The following ZFHX3 variants were observed in gnomAD, a reference collection of about 807,000 sequenced individuals.
ZFHX3 encodes the protein zinc finger homeobox 3.
Under a neutral mutation model 279.1 loss-of-function variants are expected in ZFHX3, and 42 were observed. The observed-to-expected ratio is 0.15, with a 90% CI of 0.12 to 0.19. The LOEUF (loss-of-function observed/expected upper bound fraction) is 0.19, where lower values mean the gene tolerates loss of function less well. Among genes scored for constraint, ZFHX3 ranks in the 10% least tolerant of loss-of-function variants. The pLI, the probability that ZFHX3 is intolerant of heterozygous loss-of-function variation, is 1.00. For missense variants in ZFHX3, 4,981 were observed against 4,754.0 expected (o/e 1.05, Z -1.40); for synonymous variants, 2,293 against 1,957.8 (o/e 1.17, Z -4.52).
intron 1 of ZFHX3, among the ~76,000 whole-genome samples, chr16:73,774,335 G>C (rs535724700): frequency 6.6e-6 from 1 of 152,152 alleles, no homozygotes; most frequent in Non-Finnish European, 1.5e-5. Context: ...ATGAATGAAG[G>C]CTGAGAGAAA....
At chr16:73,020,486 G>C (rs1258701635) in intron 1 of ZFHX3, among the ~76,000 whole-genome samples, 1 of 152,124 alleles carries the variant, frequency 6.6e-6, no homozygotes, top group Non-Finnish European at 1.5e-5. Context: ...TCACCATATG[G>C]GACAGCTTCT....
At chr16:73,372,651 T>A (rs2016651922) in intron 3 of ZFHX3, among the ~76,000 whole-genome samples, 1 of 152,214 alleles carries the variant, frequency 6.6e-6, no homozygotes, top group Non-Finnish European at 1.5e-5. Flanking sequence ...CAGCGATGAT[T>A]TTCTCTGGCT....
intron 2 of ZFHX3, among the ~76,000 whole-genome samples, chr16:73,601,928 G>C (rs2052122605): frequency 6.6e-6 from 1 of 152,218 alleles, no homozygotes; most frequent in African/African-American, 2.4e-5. Context: ...CTTCAGGAGA[G>C]AGGAAGGGGA....
At chr16:73,004,158 A>ATTTTTTTTTTTTT (rs1567627941) in intron 1 of ZFHX3, among the ~76,000 whole-genome samples, 1 of 51,312 alleles carries the variant, frequency 1.9e-5, no homozygotes. Context: ...TAAAAACACG[A>ATTTTTTTTTTTTT]CTTTTTTTTT....
intron 2 of ZFHX3, among the ~76,000 whole-genome samples, chr16:73,523,643 G>A (rs1353414500): frequency 1.4e-5 from 2 of 145,838 alleles, no homozygotes; most frequent in East Asian, 4.0e-4. Context: ...TTTTTCATAT[G>A]TATATTCTGA....
chr16:73,786,953 G>C (rs749050271), intron 1 of ZFHX3, among the ~76,000 whole-genome samples: 2 of 152,116 alleles, frequency 1.3e-5, no homozygotes, highest in Non-Finnish European at 2.9e-5. Flanking sequence ...TCTTTTTCAG[G>C]CATGTGGTTT....
intron 5 of ZFHX3, among the ~76,000 whole-genome samples, chr16:73,211,991 G>A (rs1216547912): frequency 1.3e-5 from 2 of 152,074 alleles, no homozygotes; most frequent in Non-Finnish European, 2.9e-5. Context: ...ACAACGAGAG[G>A]TTGAAAGTCA....
At chr16:72,941,094 A>C (rs528637036) in intron 3 of ZFHX3, among the ~76,000 whole-genome samples, 2 of 152,240 alleles carry the variant, frequency 1.3e-5, no homozygotes, top group Non-Finnish European at 2.9e-5. Context: ...ACATCTGGCC[A>C]AGTTGCTGGT....
intron 1 of ZFHX3, among the ~76,000 whole-genome samples, chr16:72,962,996 T>G (rs1961655937): frequency 6.6e-6 from 1 of 152,158 alleles, no homozygotes; most frequent in African/African-American, 2.4e-5. Flanking sequence ...TCGCTCTGTT[T>G]ATCAGCCAGT....
At chr16:73,565,679 T>C (rs2020440821) in intron 2 of ZFHX3, among the ~76,000 whole-genome samples, 1 of 152,206 alleles carries the variant, frequency 6.6e-6, no homozygotes, top group South Asian at 2.1e-4. Context: ...CAGCCCAATC[T>C]GGATCTCCCT....
chr16:73,549,813 CTTCT>C (rs1165149532), intron 2 of ZFHX3, among the ~76,000 whole-genome samples: 1 of 151,420 alleles, frequency 6.6e-6, no homozygotes, highest in South Asian at 2.1e-4. Context: ...TCTTTTTCTT[CTTCT>C]TTCTTTCTTT....
chr16:73,518,958 TG>T (rs780481051), intron 2 of ZFHX3, among the ~76,000 whole-genome samples: 2 of 152,202 alleles, frequency 1.3e-5, no homozygotes, highest in South Asian at 2.1e-4. Context: ...AAGGAGATTT[TG>T]CAAAGTCCAG....
At chr16:73,333,857 T>C (rs1873363266) in intron 3 of ZFHX3, among the ~76,000 whole-genome samples, 1 of 131,440 alleles carries the variant, frequency 7.6e-6, no homozygotes, top group Non-Finnish European at 1.6e-5. Flanking sequence ...AGACAGAAGG[T>C]ACACAAGAGG....
intron 7 of ZFHX3, among the ~76,000 whole-genome samples, chr16:73,104,221 G>GTATGTATT (rs57972353): frequency 2.6e-5 from 4 of 151,506 alleles, no homozygotes; most frequent in African/African-American, 4.9e-5. Context: ...TTTATTTTAT[G>GTATGTATT]TATTTATTTA....
chr16:73,678,912 ATC>A (rs2052982113), intron 2 of ZFHX3, among the ~76,000 whole-genome samples: 1 of 152,200 alleles, frequency 6.6e-6, no homozygotes, highest in African/African-American at 2.4e-5. Flanking sequence ...TCAAAGTGCT[ATC>A]TATGCAGATG....
chr16:73,623,241 T>C (rs539792255), intron 2 of ZFHX3, among the ~76,000 whole-genome samples: 139 of 152,220 alleles, frequency 9.1e-4, no homozygotes, highest in Non-Finnish European at 5.9e-5. Flanking sequence ...TTTCACCATG[T>C]TAGCAAGGAT....
intron 4 of ZFHX3, among the ~76,000 whole-genome samples, chr16:72,869,286 G>A (rs2038095669): frequency 6.6e-6 from 1 of 152,114 alleles, no homozygotes; most frequent in African/African-American, 2.4e-5. Flanking sequence ...ACAGTTACCA[G>A]CCCCTCTGCC....
At chr16:73,887,814 C>T (rs943334169) in intron 1 of ZFHX3, among the ~76,000 whole-genome samples, 1 of 152,064 alleles carries the variant, frequency 6.6e-6, no homozygotes, top group Non-Finnish European at 1.5e-5. Flanking sequence ...GTGTTCAATG[C>T]ACCCAGAGTT....
chr16:73,483,122 G>T (rs982143621), intron 2 of ZFHX3, among the ~76,000 whole-genome samples: 1 of 152,176 alleles, frequency 6.6e-6, no homozygotes, highest in South Asian at 2.1e-4. Flanking sequence ...TCTGAATGTG[G>T]ATCAGCTTAG....
Sources: gnomAD v4.1 joint callset for allele counts (sites outside exome capture counted in the v4.1 genomes callset) on GRCh38, gnomAD v4.1.1 for gene constraint, MANE v1.5 for transcripts, NCBI Gene and HGNC (gene_info 2026-07-23, HGNC 2026-07-21) for gene names.